PGM5: variants seen among roughly 807,000 people sequenced by gnomAD.
The protein encoded by PGM5 is phosphoglucomutase 5.
PGM5 carries 23 observed loss-of-function variants against 59.2 expected under a neutral mutation model. The observed-to-expected ratio is 0.39, with a 90% CI of 0.28 to 0.55. The LOEUF is 0.55. Ranked by LOEUF, PGM5 falls within the 20% of genes least tolerant of loss-of-function variation. PGM5 has a pLI of 0.66. For synonymous variants in PGM5, 214 were observed against 286.0 expected, an observed-to-expected ratio of 0.75 and a Z score of 2.54; for missense variants, 574 against 748.3, an observed-to-expected ratio of 0.77 and a Z score of 2.72.
rs116465753 is a variant in PGM5, at chr9:68,528,700, T to C, written c.1615-867T>C. ...TGACATTACATTCTAGCTGGGTAAC[T>C]CCTGAGGCATGCACTATCTTGGTTA... On this transcript the variant is annotated intron_variant, in intron 10 of 10. Coordinates refer to ENST00000396396, the MANE Select transcript of PGM5 (RefSeq NM_021965.4). Among the ~76,000 whole-genome samples, 996 of 152,346 alleles carry C rather than the reference T, an allele frequency of 6.5e-3. 13 individuals are homozygous for C. The highest frequency in any genetic ancestry group is 0.023 in the African/African-American group (943 of 41,594).
intron 10 of PGM5, among the ~76,000 whole-genome samples, chr9:68,506,982 A>C (rs1319412391): frequency 1.3e-5 from 2 of 152,224 alleles, no homozygotes; most frequent in East Asian, 3.8e-4. Flanking sequence ...TCCCATATGT[A>C]GTTAAAAATG....
At chr9:68,447,418 T>C (rs1823629295) in intron 6 of PGM5, among the ~76,000 whole-genome samples, 1 of 152,132 alleles carries the variant, frequency 6.6e-6, no homozygotes, top group South Asian at 2.1e-4. Flanking sequence ...GGCTCGAGTT[T>C]GGAGAGAGAG....
At chr9:68,371,929 A>G (rs1201198709) in intron 1 of PGM5, among the ~76,000 whole-genome samples, 2 of 152,320 alleles carry the variant, frequency 1.3e-5, no homozygotes, top group African/African-American at 2.4e-5. Context: ...GGCAACAGAA[A>G]CTGGAAGAGG....
At chr9:68,499,414 T>C in intron 10 of PGM5, 53 bp downstream of exon 10, 2 of 1,585,824 alleles carry the variant, frequency 1.3e-6, no homozygotes, top group Non-Finnish European at 1.7e-6. Flanking sequence ...CTGGCAAATT[T>C]AGAGAGCTCC....
At chr9:68,443,094 C>G (rs967829165) in intron 6 of PGM5, among the ~76,000 whole-genome samples, 1 of 152,206 alleles carries the variant, frequency 6.6e-6, no homozygotes, top group Non-Finnish European at 1.5e-5. Flanking sequence ...TATAGCAGCT[C>G]TATTCATAAT....
chr9:68,431,099 T>C (rs1278493216), intron 6 of PGM5, among the ~76,000 whole-genome samples: 1 of 152,150 alleles, frequency 6.6e-6, no homozygotes, highest in African/African-American at 2.4e-5. Flanking sequence ...CAAATGAAAC[T>C]CTAAGTTTTG....
intron 6 of PGM5, among the ~76,000 whole-genome samples, chr9:68,394,595 T>A (rs1257919244): frequency 6.6e-6 from 1 of 151,542 alleles, no homozygotes; most frequent in Non-Finnish European, 1.5e-5. Flanking sequence ...TTCAGTATGA[T>A]CTTAGTTTCA....
At chr9:68,529,529 A>G (rs1825047174) in intron 10 of PGM5, 38 bp from the exon 11 acceptor site, 1 of 1,430,750 alleles carries the variant, frequency 7.0e-7, no homozygotes, top group African/African-American at 1.4e-5. Flanking sequence ...AATGTAACTG[A>G]CTTGAGTTGT....
chr9:68,476,226 A>G (rs140998420), intron 7 of PGM5, among the ~76,000 whole-genome samples: 316 of 152,302 alleles, frequency 2.1e-3, no homozygotes, highest in Non-Finnish European at 2.5e-3. Flanking sequence ...ATCCCATTTT[A>G]CACACTTTTC....
At position 68,424,968 on chromosome 9, in the gene PGM5, G is replaced by A. The variant is rs568383289; in HGVS notation, c.1043+32495G>A. On this transcript the variant is annotated intron_variant, in intron 6 of 10. Transcript: ENST00000396396. The stretch of plus-strand genomic sequence containing the variant: ...TTCTCTGAAATTCATATAATTATAT[G>A]ATTAAACAAATTTCTACTAAGACAA... Among the ~76,000 whole-genome samples, 11 of 152,108 alleles carry A rather than the reference G, an allele frequency of 7.2e-5. No homozygotes were observed. In the South Asian group the frequency reaches 2.3e-3, roughly 32 times the overall value.
intron 6 of PGM5, among the ~76,000 whole-genome samples, chr9:68,460,970 G>A (rs1311437455): frequency 6.6e-6 from 1 of 152,198 alleles, no homozygotes; most frequent in Non-Finnish European, 1.5e-5. Context: ...GCAGCAGGAA[G>A]GGTCACGTTG....
chr9:68,453,168 C>T (rs572496103), intron 6 of PGM5, among the ~76,000 whole-genome samples: 1 of 152,304 alleles, frequency 6.6e-6, no homozygotes, highest in Non-Finnish European at 1.5e-5. Flanking sequence ...TTGAAATATC[C>T]TGCCAAAGTA....
At chr9:68,433,983 T>C (rs1823398084) in intron 6 of PGM5, among the ~76,000 whole-genome samples, 1 of 152,176 alleles carries the variant, frequency 6.6e-6, no homozygotes, top group African/African-American at 2.4e-5. Context: ...CACCAGTTCC[T>C]AAGAGACCCT....
chr9:68,502,093 A>G (rs1042488908), intron 10 of PGM5, among the ~76,000 whole-genome samples: 1 of 152,180 alleles, frequency 6.6e-6, no homozygotes, highest in African/African-American at 2.4e-5. Context: ...ATATGTGCCT[A>G]CGAATTGGTG....
chr9:68,385,251 A>G (rs1822187654), intron 3 of PGM5, among the ~76,000 whole-genome samples: 1 of 151,960 alleles, frequency 6.6e-6, no homozygotes. Context: ...CCTGTATTTT[A>G]TCATATTGCT....
rs554261220 is a variant in PGM5 at position 68,437,135 on chromosome 9, C to T, written c.1044-27958C>T. Among the ~76,000 whole-genome samples, 2 of 152,336 alleles carry T rather than the reference C, an allele frequency of 1.3e-5. No individual in the cohort carries two copies. Among genetic ancestry groups the T allele is most frequent in the South Asian group, 4.1e-4 (2 of 4,834 alleles). ...TGGCTTCATTATCTCCATCAGTTCA[C>T]ATCACTTTGAAATTAAAATCAAATG... On this transcript the variant is annotated intron_variant, in intron 6 of 10. Coordinates refer to ENST00000396396, the MANE Select transcript of PGM5 (RefSeq NM_021965.4). This position sits in a 1 kb window ranked among gnomAD's most constrained non-coding sequence, Gnocchi z 4.1.
At chr9:68,426,313 T>A (rs575525623) in intron 6 of PGM5, among the ~76,000 whole-genome samples, 1 of 152,266 alleles carries the variant, frequency 6.6e-6, no homozygotes, top group African/African-American at 2.4e-5. Context: ...TCCAGGATTA[T>A]TGTGAGTATC....
rs117385075 is a variant in PGM5, at chr9:68,454,491, T to C, written c.1044-10602T>C. Among the ~76,000 whole-genome samples the C allele has an allele frequency of 2.5e-3, 377 of 152,176 alleles. 7 individuals carry two copies. In the East Asian group the frequency reaches 0.059, roughly 24 times the overall value. On this transcript the variant is annotated intron_variant, in intron 6 of 10. Transcript: ENST00000396396. ...GAAGGGGGCTCCATCTCAAAAATAG[T>C]TTGTTATGGCAGGATGATGCCGCAG... is the stretch of plus-strand genomic sequence containing the variant.
intron 6 of PGM5, among the ~76,000 whole-genome samples, chr9:68,421,235 C>T (rs142003534): frequency 1.3e-5 from 2 of 152,308 alleles, no homozygotes; most frequent in Non-Finnish European, 2.9e-5. Context: ...CTGCATAGGC[C>T]TCTGCCTAGG....
Sources: allele counts gnomAD v4.1 joint callset (sites outside exome capture counted in the v4.1 genomes callset), GRCh38; gene constraint gnomAD v4.1.1; non-coding constraint Gnocchi (gnomAD v3.1); transcripts MANE v1.5; gene names NCBI Gene and HGNC (gene_info 2026-07-23, HGNC 2026-07-21).